Variants in LMLN observed in about 807,000 individuals in gnomAD.
LMLN encodes the protein leishmanolysin like peptidase.
LMLN carries 70 observed loss-of-function variants against 92.3 expected under a neutral mutation model. That is an observed-to-expected ratio of 0.76 (90% CI 0.63 to 0.92). LMLN has a LOEUF of 0.92. Ranked by LOEUF, LMLN falls within the 40% of genes least tolerant of loss-of-function variation. The pLI is 0.00. For missense variants in LMLN, 691 were observed against 814.6 expected (o/e 0.85, Z 1.85); for synonymous variants, 308 against 296.2 (o/e 1.04, Z -0.41).
rs377098766 is a variant in LMLN at position 197,964,607 on chromosome 3, C to T, written c.219+4167C>T. 2.8e-4 allele frequency among the ~76,000 whole-genome samples: 42 copies of T among 151,874 alleles called. No individual in the cohort carries two copies. In the East Asian group the frequency reaches 5.4e-3, roughly 20 times the overall value. On this transcript the variant is annotated intron_variant, in intron 1 of 15. Coordinates refer to ENST00000330198, the Ensembl canonical transcript of LMLN. ...GGAGATGGGGTTTCACCATGTTGGCCAGGATGGTTTTGATCTCTTGACCTT... is the reference window on the plus strand; with the variant it reads ...GGAGATGGGGTTTCACCATGTTGGCTAGGATGGTTTTGATCTCTTGACCTT...
At chr3:197,969,704 A>G (rs1041185872) in intron 1 of LMLN, among the ~76,000 whole-genome samples, 1 of 152,242 alleles carries the variant, frequency 6.6e-6, no homozygotes, top group South Asian at 2.1e-4. Flanking sequence ...TCCAGTGACT[A>G]CAATATATGT....
At chr3:197,990,222 C>G (rs1721827381) in intron 8 of LMLN, among the ~76,000 whole-genome samples, 2 of 151,926 alleles carry the variant, frequency 1.3e-5, no homozygotes, top group African/African-American at 4.8e-5. Flanking sequence ...ACTACTGCGC[C>G]CAGCTAATTT....
At chr3:197,976,229 G>T in intron 4 of LMLN, 118 bp downstream of exon 4, 2 of 570,638 alleles carry the variant, frequency 3.5e-6, no homozygotes, top group East Asian at 3.1e-5. Flanking sequence ...TTGTTCTTAG[G>T]GACCTAACTG....
At chr3:197,970,546 G>C (rs75115533) in intron 1 of LMLN, among the ~76,000 whole-genome samples, 1 of 152,232 alleles carries the variant, frequency 6.6e-6, no homozygotes, top group East Asian at 1.9e-4. Flanking sequence ...GGTCTACCAG[G>C]GAAGATTACC....
intron 14 of LMLN, among the ~76,000 whole-genome samples, chr3:198,029,644 G>A (rs1723024740): frequency 6.6e-6 from 1 of 152,046 alleles, no homozygotes; most frequent in Non-Finnish European, 1.5e-5. Context: ...CTGCACTCCA[G>A]CCCGGGCAAT....
chr3:197,971,944 C>CTTTTTTTTTTTT (rs756710031), intron 1 of LMLN, among the ~76,000 whole-genome samples: 2 of 81,220 alleles, frequency 2.5e-5, no homozygotes, highest in African/African-American at 4.7e-5. Context: ...AGTCTCTGTT[C>CTTTTTTTTTTTT]TTTTTTTTTT....
chr3:197,979,707 T>C (rs575717840), intron 5 of LMLN, among the ~76,000 whole-genome samples: 2 of 152,202 alleles, frequency 1.3e-5, no homozygotes, highest in South Asian at 4.2e-4. Flanking sequence ...TCCCAGCTAC[T>C]TGGGGGGCTG....
At chr3:197,993,388 TAATA>T (rs141476166) in intron 9 of LMLN, among the ~76,000 whole-genome samples, 1,982 of 152,180 alleles carry the variant, frequency 0.013, 43 homozygotes, top group African/African-American at 0.044. Context: ...TTATGAGGAT[TAATA>T]AATACAGTAA....
intron 11 of LMLN, among the ~76,000 whole-genome samples, chr3:198,018,151 ATAATT>A (rs1193259969): frequency 6.6e-6 from 1 of 152,204 alleles, no homozygotes; most frequent in Non-Finnish European, 1.5e-5. Flanking sequence ...CTCATTTTAT[ATAATT>A]TAAAGTAAAT....
intron 9 of LMLN, among the ~76,000 whole-genome samples, chr3:197,992,254 G>A (rs75924132): frequency 0.065 from 9,838 of 151,966 alleles, 390 homozygotes; most frequent in African/African-American, 0.1. Flanking sequence ...TATAGAAATA[G>A]TACCACGGAT....
At chr3:197,987,764 T>C (rs1218438602) in intron 8 of LMLN, among the ~76,000 whole-genome samples, 2 of 152,228 alleles carry the variant, frequency 1.3e-5, no homozygotes, top group African/African-American at 4.8e-5. Flanking sequence ...ACATTTTTTT[T>C]AAAAGGTATA....
chr3:197,960,562 G>GA (rs113060473), intron 1 of LMLN, 122 bp downstream of exon 1: 230,006 of 880,922 alleles, frequency 0.26, 39,689 homozygotes, highest in African/African-American at 0.78. Context: ...GGCAGAGCCT[G>GA]ACTCTTACAG....
chr3:198,024,864 A>G, intron 14 of LMLN, 76 bp downstream of exon 15: 1 of 1,172,680 alleles, frequency 8.5e-7, no homozygotes, highest in Non-Finnish European at 1.2e-6. Flanking sequence ...ATTTTAAATT[A>G]TATTTTCATA....
At chr3:198,033,297 T>C (rs1246918065) in intron 14 of LMLN, among the ~76,000 whole-genome samples, 1 of 152,194 alleles carries the variant, frequency 6.6e-6, no homozygotes, top group African/African-American at 2.4e-5. Flanking sequence ...TTTCTAATAT[T>C]TGTTCTTGTT....
intron 3 of LMLN, among the ~76,000 whole-genome samples, chr3:197,975,521 G>A (rs1189663636): frequency 6.6e-6 from 1 of 150,730 alleles, no homozygotes; most frequent in African/African-American, 2.5e-5. Flanking sequence ...GCACACACAT[G>A]CGCACATGCA....
intron 3 of LMLN, among the ~76,000 whole-genome samples, 189 bp downstream of exon 3, chr3:197,975,261 A>T (rs191321783): frequency 4.6e-5 from 7 of 152,354 alleles, no homozygotes. Flanking sequence ...GGTATTGGGC[A>T]TTAAATTAGT....
intron 14 of LMLN, among the ~76,000 whole-genome samples, chr3:198,029,807 G>T (rs572989988): frequency 5.3e-5 from 8 of 152,110 alleles, no homozygotes; most frequent in African/African-American, 1.9e-4. Context: ...GAGGAGTCAG[G>T]GGAGACTTAC....
intron 1 of LMLN, among the ~76,000 whole-genome samples, chr3:197,964,385 T>TTTTTTTG (rs544789320): frequency 1.2e-4 from 18 of 151,630 alleles, no homozygotes; most frequent in Non-Finnish European, 1.8e-4. Context: ...GTTAAAATTT[T>TTTTTTTG]TTTTTTGTTT....
chr3:197,968,242 G>A (rs929899317), intron 1 of LMLN, among the ~76,000 whole-genome samples: 45 of 152,072 alleles, frequency 3.0e-4, no homozygotes, highest in South Asian at 8.3e-4. Flanking sequence ...CGAGGCGGGC[G>A]GATCACGAGG....
Sources: allele counts gnomAD v4.1 joint callset (sites outside exome capture counted in the v4.1 genomes callset), GRCh38; gene constraint gnomAD v4.1.1; transcripts MANE v1.5; gene names NCBI Gene and HGNC (gene_info 2026-07-23, HGNC 2026-07-21).